Variants in RYR3 observed in about 807,000 individuals in gnomAD.
RYR3 encodes the protein ryanodine receptor 3, also known as brain ryanodine receptor-calcium release channel.
A neutral mutation model predicts 584.3 loss-of-function variants in RYR3; 207 were observed. The ratio of observed to expected loss-of-function variants is 0.35; its 90% CI spans 0.32 to 0.40. The LOEUF (loss-of-function observed/expected upper bound fraction) is 0.40, where lower values mean the gene tolerates loss of function less well. RYR3 is among the 10% of genes least tolerant of loss of function. RYR3 has a pLI of 1.00. For synonymous variants in RYR3, 2,416 were observed against 2,248.5 expected (o/e 1.07, Z -2.11); for missense variants, 5,616 against 6,089.2 (o/e 0.92, Z 2.59).
intron 8 of RYR3, among the ~76,000 whole-genome samples, 172 bp from the exon 9 acceptor site, chr15:33,547,956 TGA>T (rs376196694): frequency 2.0e-5 from 3 of 152,138 alleles, no homozygotes. Context: ...TGACCCTTTC[TGA>T]GAGAGAGAGA....
At chr15:33,771,299 G>T (rs1425993231) in intron 62 of RYR3, among the ~76,000 whole-genome samples, 1 of 152,236 alleles carries the variant, frequency 6.6e-6, no homozygotes, top group Non-Finnish European at 1.5e-5. Flanking sequence ...ACTTTGGGAG[G>T]CCAAGGCGGG....
chr15:33,553,243 G>T (rs2056817267), intron 10 of RYR3, among the ~76,000 whole-genome samples: 1 of 152,196 alleles, frequency 6.6e-6, no homozygotes, highest in South Asian at 2.1e-4. Flanking sequence ...TGGGGCTTTA[G>T]TCATGTGTTT....
At chr15:33,619,365 T>C (rs969251235) in intron 19 of RYR3, among the ~76,000 whole-genome samples, 12 of 152,182 alleles carry the variant, frequency 7.9e-5, no homozygotes, top group African/African-American at 2.7e-4. Context: ...TGCTGGGTGA[T>C]TCCATGGAAC....
chr15:33,785,129 A>G (rs2074626021), intron 65 of RYR3, among the ~76,000 whole-genome samples: 1 of 152,190 alleles, frequency 6.6e-6, no homozygotes, highest in Non-Finnish European at 1.5e-5. Flanking sequence ...TTCCCCCCAG[A>G]ATTCCAGCTG....
chr15:33,558,707 G>A (rs746839400), intron 10 of RYR3, among the ~76,000 whole-genome samples: 5 of 152,080 alleles, frequency 3.3e-5, no homozygotes, highest in Admixed American at 6.6e-5. Context: ...ATCTGGCAGG[G>A]GGCAGCTAGT....
intron 103 of RYR3, among the ~76,000 whole-genome samples, chr15:33,864,565 G>A (rs186259492): frequency 1.3e-5 from 2 of 151,212 alleles, no homozygotes; most frequent in African/African-American, 4.8e-5. Context: ...GACCTCATGT[G>A]TGGGTGACAC....
intron 87 of RYR3, 24 bp from the exon 88 acceptor site, chr15:33,836,882 G>A: frequency 6.3e-7 from 1 of 1,599,520 alleles, no homozygotes; most frequent in Non-Finnish European, 8.6e-7. Context: ...GATAGCTCAG[G>A]GGTATCTCCT....
chr15:33,382,319 C>CTTTTTTTTTTTTTTTTTTTTTT (rs34767570), intron 1 of RYR3, among the ~76,000 whole-genome samples: 1 of 104,780 alleles, frequency 9.5e-6, no homozygotes, highest in African/African-American at 4.1e-5. Flanking sequence ...TTAAAAGTGG[C>CTTTTTTTTTTTTTTTTTTTTTT]TTTTTTTTTT....
At position 33,670,443 on chromosome 15, in the gene RYR3, A is replaced by C; in HGVS notation, c.5747A>C (p.Glu1916Ala). The stretch of plus-strand genomic sequence containing the variant: ...GGGGTTCCTTTGGAAGAAGAGGAAG[A>C]GGAGGAGGAGGACACCTCCTGGACA... ...HCGVPLEEEE[E>A]EEEDTSWTGK... Residue 1916 changes from glutamate (E) to alanine (A), a missense_variant, in exon 38 of 104, where the codon GAG becomes GCG. By Grantham distance (107) the Glu-to-Ala change is moderately radical. Coordinates refer to ENST00000634891, the MANE Select transcript of RYR3 (RefSeq NM_001036.6). 1 of 1,611,822 alleles carries C rather than the reference A, an allele frequency of 6.2e-7. No homozygotes were observed.
chr15:33,631,146 T>G (rs2061244308), intron 22 of RYR3, 64 bp from the exon 23 acceptor site: 1 of 1,011,182 alleles, frequency 9.9e-7, no homozygotes, highest in African/African-American at 1.6e-5. Context: ...CGGATGTGAA[T>G]TAGGGTTCCT....
chr15:33,505,451 A>C lies in RYR3; in HGVS notation c.279+1713A>C, dbSNP rs566326099. Among the ~76,000 whole-genome samples, 4 of 152,268 alleles carry C rather than the reference A, an allele frequency of 2.6e-5. No individual in the cohort carries two copies. The South Asian group carries it at 8.3e-4, about 32-fold the overall frequency. On this transcript the variant is annotated intron_variant, in intron 3 of 103. Coordinates refer to ENST00000634891, the MANE Select transcript of RYR3 (RefSeq NM_001036.6). ...CCCTGTTCCTTGCATTGACCTCAGC[A>C]TCTTATATCTTCCACATACTCTCAA...
intron 69 of RYR3, among the ~76,000 whole-genome samples, chr15:33,806,451 A>G (rs544732570): frequency 3.2e-4 from 48 of 152,172 alleles, no homozygotes; most frequent in Non-Finnish European, 5.6e-4. Context: ...CCGAGAGTTC[A>G]ATACGAGCCT....
At position 33,358,920 on chromosome 15, in the gene RYR3, A is replaced by G. The variant is rs1474418428; in HGVS notation, c.51+47824A>G. Among the ~76,000 whole-genome samples the G allele has an allele frequency of 2.0e-5, 3 of 152,312 alleles. No homozygotes were observed. The East Asian group carries it at 5.8e-4, about 29-fold the overall frequency. On this transcript the variant is annotated intron_variant, in intron 1 of 103. Transcript: ENST00000634891. ...ATTCTAAGCTCATTTTCTTTCGAACATTCTAAGTACTTTTCTAAGCACTAT... is the reference window on the plus strand; with the variant it reads ...ATTCTAAGCTCATTTTCTTTCGAACGTTCTAAGTACTTTTCTAAGCACTAT...
At chr15:33,378,319 A>G (rs1270967184) in intron 1 of RYR3, among the ~76,000 whole-genome samples, 1 of 152,150 alleles carries the variant, frequency 6.6e-6, no homozygotes, top group Non-Finnish European at 1.5e-5. Flanking sequence ...AAACAGCTCC[A>G]TGTCCCCTCT....
chr15:33,830,807 AC>A, intron 85 of RYR3, 155 bp from the exon 86 acceptor site: 2 of 614,566 alleles, frequency 3.3e-6, no homozygotes, highest in Non-Finnish European at 5.4e-6. Context: ...GATCCTAGAG[AC>A]CTGGTATCTC....
In RYR3 at chr15:33,838,779, T is replaced by G. The variant is rs758142441; in HGVS notation, c.12799T>G (p.Phe4267Val). The G allele has an allele frequency of 1.2e-5, 20 of 1,613,600 alleles. No homozygotes were observed. The Middle Eastern group carries it at 4.9e-4, about 40-fold the overall frequency. Residue 4267 changes from phenylalanine (F) to valine (V), a missense_variant, in exon 89 of 104, where the codon TTC becomes GTC. This residue lies in a region of RYR3 where 918 missense variants were observed against 887.4 expected (regional missense o/e 1.03). Coordinates refer to ENST00000634891, the MANE Select transcript of RYR3 (RefSeq NM_001036.6). ...EPGITTELVH[F>V]IKGEKGDTDI... ...AGGTATCACCACTGAACTAGTACAC[T>G]TCATAAAGGGGGAGAAGGGAGATAC...
chr15:33,810,773 G>A, intron 71 of RYR3, 124 bp downstream of exon 71: 2 of 1,250,332 alleles, frequency 1.6e-6, no homozygotes, highest in Non-Finnish European at 2.2e-6. Flanking sequence ...AAACCAGTGT[G>A]TATGGAGGCA....
At position 33,838,837 on chromosome 15, in the gene RYR3, C is replaced by T; in HGVS notation, c.12857C>T (p.Pro4286Leu). 6.2e-7 allele frequency: 1 copy of T among 1,613,894 alleles called. No individual in the cohort carries two copies. The highest frequency in any genetic ancestry group is 1.3e-5 in the African/African-American group (1 of 75,014). The change falls in exon 89 of 104, where the codon CCA becomes CTA. Residue 4286 changes from proline (P) to leucine (L), a missense_variant. This residue lies in a region of RYR3 where 918 missense variants were observed against 887.4 expected (regional missense o/e 1.03). Coordinates refer to ENST00000634891, the MANE Select transcript of RYR3 (RefSeq NM_001036.6). ...DIMSDLFGLH[P>L]KKEGSLKHGP... ...ATGTCAGACCTCTTTGGACTCCACC[C>T]AAAGAAAGAGGGCAGCTTAAAGCAT...
At chr15:33,562,740 C>G in intron 10 of RYR3, 97 bp from the exon 11 acceptor site, 1 of 835,830 alleles carries the variant, frequency 1.2e-6, no homozygotes, top group South Asian at 1.7e-5. Context: ...AACCAGTTGC[C>G]TGGCTTACAG....
Sources: gnomAD v4.1 joint callset for allele counts (sites outside exome capture counted in the v4.1 genomes callset) on GRCh38, gnomAD v4.1.1 for gene constraint, gnomAD v4.1.1 regional missense constraint, MANE v1.5 for transcripts, NCBI Gene and HGNC (gene_info 2026-07-23, HGNC 2026-07-21) for gene names.